C12orf43: variants seen among roughly 807,000 people sequenced by gnomAD.
C12orf43 encodes chromosome 12 open reading frame 43.
A neutral mutation model predicts 20.6 loss-of-function variants in C12orf43; 15 were observed. The observed-to-expected ratio is 0.73, with a 90% confidence interval of 0.49 to 1.12. The LOEUF (loss-of-function observed/expected upper bound fraction) is 1.12, where lower values mean the gene tolerates loss of function less well. Ranked by LOEUF, C12orf43 falls within the 50% of genes most tolerant of loss-of-function variation. The probability of loss-of-function intolerance (pLI) is 0.00; values close to 1 mark genes in which losing one functional copy is unlikely to be tolerated. For missense variants in C12orf43, 334 were observed against 344.4 expected, an observed-to-expected ratio of 0.97 and a Z score of 0.24; for synonymous variants, 144 against 130.8, an observed-to-expected ratio of 1.10 and a Z score of -0.69.
rs193922591 is a variant in C12orf43 at position 121,001,150 on chromosome 12, C to T, written c.*3003G>A. On this transcript the variant is annotated 3_prime_UTR_variant, in exon 6 of 6. Coordinates refer to ENST00000288757, the MANE Select transcript of C12orf43 (RefSeq NM_022895.3). ...TGCTGCCATCCAACCACAGCGTCAT[C>T]GAGACCTTCATCTCCACCCAGATGG... 21 of 1,614,110 alleles carry T rather than the reference C, an allele frequency of 1.3e-5. No individual in the cohort carries two copies. Among genetic ancestry groups the T allele is most frequent in the African/African-American group, 8.0e-5 (6 of 75,068 alleles).
chr12:121,014,257 G>C (rs1367261580), intron 1 of C12orf43, among the ~76,000 whole-genome samples: 1 of 150,786 alleles, frequency 6.6e-6, no homozygotes, highest in Non-Finnish European at 1.5e-5. Context: ...GCTTGAGCTT[G>C]GGAGGCGGAG....
intron 1 of C12orf43, among the ~76,000 whole-genome samples, chr12:121,014,630 C>CA (rs35811695): frequency 0.8 from 79,021 of 99,104 alleles, 30,791 homozygotes; most frequent in Middle Eastern, 0.91. Flanking sequence ...AACTCCATCT[C>CA]AAAAAAAAAA....
chr12:121,006,406 C>T lies in C12orf43; in HGVS notation c.288-12G>A, dbSNP rs370717445. Reference sequence around the variant, plus strand: ...AGATGGTAATGAAGCTACAGGGAGACGAGACGGTTGATTTAAGATGAGATT... The same window carrying T: ...AGATGGTAATGAAGCTACAGGGAGATGAGACGGTTGATTTAAGATGAGATT... On this transcript the variant is annotated splice_polypyrimidine_tract_variant and intron_variant, in intron 3 of 5. Coordinates refer to ENST00000288757, the MANE Select transcript of C12orf43 (RefSeq NM_022895.3). The T allele has an allele frequency of 6.8e-6, 11 of 1,612,532 alleles. No individual in the cohort carries two copies. The highest frequency in any genetic ancestry group is 2.2e-5 in the South Asian group (2 of 90,978).
chr12:121,016,487 C>G lies in C12orf43; in HGVS notation c.-13G>C, dbSNP rs775045883. 2.2e-5 allele frequency: 36 copies of G among 1,613,750 alleles called. No individual in the cohort carries two copies. The highest frequency in any genetic ancestry group is 4.2e-6 in the Non-Finnish European group (5 of 1,179,948). ...TGGGCGCCGCCATCTTGAACCACCG[C>G]AAAGGATTGTGGAGAACACCGCCGT... On this transcript the variant is annotated 5_prime_UTR_variant, in exon 1 of 6. Coordinates refer to ENST00000288757, the MANE Select transcript of C12orf43 (RefSeq NM_022895.3).
rs371683540 is a variant in C12orf43, at chr12:121,001,289, C to A, written c.*2864G>T. 2 of 1,461,146 alleles carry A rather than the reference C, an allele frequency of 1.4e-6. No individual in the cohort carries two copies. Among genetic ancestry groups the A allele is most frequent in the South Asian group, 1.2e-5 (1 of 83,818 alleles). 90.5% of individuals were successfully genotyped at this position (1,461,146 alleles called of 1,614,324 possible). On this transcript the variant is annotated 3_prime_UTR_variant, in exon 6 of 6. Coordinates refer to ENST00000288757, the MANE Select transcript of C12orf43 (RefSeq NM_022895.3). ...GGAGGACCTGAGCCTGCCGAGCAACCGTGGCCCTTCCTGGACAGCTGTGCC... is the reference window on the plus strand; with the variant it reads ...GGAGGACCTGAGCCTGCCGAGCAACAGTGGCCCTTCCTGGACAGCTGTGCC...
rs374452104 is a variant in C12orf43, at chr12:121,004,524, A to C, written c.453-35T>G. On this transcript the variant is annotated intron_variant, in intron 5 of 5. Transcript: ENST00000288757. This position sits in a 1 kb window ranked among gnomAD's most constrained non-coding sequence, Gnocchi z 5.6. ...CGAGAGGGTACCCTGGGTTAGCTGG[A>C]GTCAGGACACAGCCCCAGAGCTGCC... The C allele has an allele frequency of 5.4e-5, 83 of 1,550,106 alleles. No individual in the cohort carries two copies. In the African/African-American group the frequency reaches 9.1e-4, roughly 17 times the overall value.
chr12:121,011,262 C>T (rs1348590308), intron 1 of C12orf43, 116 bp from the exon 2 acceptor site: 8 of 709,768 alleles, frequency 1.1e-5, no homozygotes, highest in African/African-American at 9.1e-5. Context: ...TATATACATA[C>T]ACATGTAACT....
Position 121,005,109 on chromosome 12 carries a change from G to T in C12orf43, c.362-16C>A. Reference sequence around the variant, plus strand: ...AGGCGGAAACCTAAGATTCAATGGGGCAGAGTCAAACAAAAACAAAACAAA... The same window carrying T: ...AGGCGGAAACCTAAGATTCAATGGGTCAGAGTCAAACAAAAACAAAACAAA... On this transcript the variant is annotated splice_polypyrimidine_tract_variant and intron_variant, in intron 4 of 5. Coordinates refer to ENST00000288757, the MANE Select transcript of C12orf43 (RefSeq NM_022895.3). This position sits in a 1 kb window ranked among gnomAD's most constrained non-coding sequence, Gnocchi z 5.6. 8.2e-7 allele frequency: 1 copy of T among 1,224,734 alleles called. No individual in the cohort carries two copies. The allele number at this position is 1,224,734 out of a possible 1,614,324, so 75.9% of individuals were successfully genotyped here.
chr12:121,011,216 A>G (rs757015090), intron 1 of C12orf43, 70 bp from the exon 2 acceptor site: 25 of 1,363,652 alleles, frequency 1.8e-5, no homozygotes, highest in Non-Finnish European at 2.5e-5. Context: ...CGTGCCAGGC[A>G]CTATTTTCAG....
In C12orf43 at chr12:121,016,436, A is replaced by G. The variant is rs914750339; in HGVS notation, c.39T>C (p.Ser13=). 6 of 1,613,998 alleles carry G rather than the reference A, an allele frequency of 3.7e-6. No individual in the cohort carries two copies. The highest frequency in any genetic ancestry group is 1.1e-5 in the South Asian group (1 of 91,078). Residue 13 remains serine (S), a synonymous_variant, in exon 1 of 6, where the codon AGT becomes AGC. Transcript: ENST00000288757. ...APSGTVSDSE[S]SNSSSDAEEL... is the part of the protein sequence containing the mutation. ...CCTCCGCATCGCTACTGCTGTTACT[A>G]CTTTCCGAATCGCTCACTGTGCCAC... is the stretch of plus-strand genomic sequence containing the variant.
At chr12:121,011,542 T>C (rs1249337875) in intron 1 of C12orf43, among the ~76,000 whole-genome samples, 2 of 151,710 alleles carry the variant, frequency 1.3e-5, no homozygotes, top group East Asian at 3.8e-4. Context: ...ATAACACATA[T>C]AACTCAGTGA....
rs1342476910 is a variant in C12orf43, at chr12:121,016,324, C to T, written c.145+6G>A. On this transcript the variant is annotated splice_donor_region_variant and intron_variant, in intron 1 of 5. Transcript: ENST00000288757. ...TCAGCCAGTCTCCCCAAACATAGTA[C>T]CCTACCGGCTCTTGGCTTCCCTGCC... is the stretch of plus-strand genomic sequence containing the variant. 1 of 1,613,584 alleles carries T rather than the reference C, an allele frequency of 6.2e-7. No individual in the cohort carries two copies. Among genetic ancestry groups the T allele is most frequent in the East Asian group, 2.2e-5 (1 of 44,888 alleles).
intron 3 of C12orf43, among the ~76,000 whole-genome samples, chr12:121,009,671 TG>T (rs1489669624): frequency 6.6e-6 from 1 of 152,374 alleles, no homozygotes; most frequent in East Asian, 1.9e-4. Context: ...CTGAATCTGC[TG>T]GTGCCTTGAT....
rs758677300 is a variant in C12orf43 at position 121,002,097 on chromosome 12, G to C, written c.*2056C>G. The C allele has an allele frequency of 1.9e-6, 1 of 534,698 alleles. No individual in the cohort carries two copies. The highest frequency in any genetic ancestry group is 1.5e-5 in the South Asian group (1 of 64,998). 33.1% of individuals were successfully genotyped at this position (534,698 alleles called of 1,614,324 possible). A position where few individuals can be genotyped will look rare whatever the true frequency, so the allele number is the denominator to read the frequency against. On this transcript the variant is annotated 3_prime_UTR_variant, in exon 6 of 6. Coordinates refer to ENST00000288757, the MANE Select transcript of C12orf43 (RefSeq NM_022895.3). ...CCTGCCCTTGTTTGGGGCAGGAGTA[G>C]CTGAGCTCACAAGGCAGCAAGGCCC...
Position 121,001,712 on chromosome 12 carries a change from C to G in C12orf43, c.*2441G>C. ...CCAACTCCTTCCAGCTAGTGACCCA[C>G]ATGCCATTTGTACTGACCCCATCAC... On this transcript the variant is annotated 3_prime_UTR_variant, in exon 6 of 6. Coordinates refer to ENST00000288757, the MANE Select transcript of C12orf43 (RefSeq NM_022895.3). 2 of 498,238 alleles carry G rather than the reference C, an allele frequency of 4.0e-6. No individual in the cohort carries two copies. Among genetic ancestry groups the G allele is most frequent in the Non-Finnish European group, 7.8e-6 (2 of 256,838 alleles). 30.9% of individuals were successfully genotyped at this position (498,238 alleles called of 1,614,324 possible). A position where few individuals can be genotyped will look rare whatever the true frequency, so the allele number is the denominator to read the frequency against.
chr12:121,016,299 T>G (rs1868909822), intron 1 of C12orf43, 31 bp downstream of exon 1: 4 of 1,612,564 alleles, frequency 2.5e-6, no homozygotes, highest in Non-Finnish European at 3.4e-6. Context: ...CCCACGCCCC[T>G]CAGCCAGTCT....
In C12orf43 at chr12:121,014,521, T is replaced by C. The variant is rs192719567; in HGVS notation, c.145+1809A>G. 2.2e-3 allele frequency among the ~76,000 whole-genome samples: 336 copies of C among 149,940 alleles called. 2 individuals are homozygous for C. Among genetic ancestry groups the C allele is most frequent in the Middle Eastern group, 0.018 (5 of 284 alleles). On this transcript the variant is annotated intron_variant, in intron 1 of 5. Transcript: ENST00000288757. ...GGCAGGCGCCTGTAATCCCAGCTAC[T>C]AGGGAGGCTGAGGCAGGAGAATCAC...
rs1238162646 is a variant in C12orf43 at position 121,002,485 on chromosome 12, G to A, written c.*1668C>T. The A allele has an allele frequency of 1.7e-5, 9 of 517,016 alleles. No homozygotes were observed. Among genetic ancestry groups the A allele is most frequent in the Non-Finnish European group, 3.4e-5 (9 of 264,344 alleles). The allele number at this position is 517,016 out of a possible 1,614,324, so 32.0% of individuals were successfully genotyped here. A position where few individuals can be genotyped will look rare whatever the true frequency, so the allele number is the denominator to read the frequency against. On this transcript the variant is annotated 3_prime_UTR_variant, in exon 6 of 6. Transcript: ENST00000288757. ...GAGTGGCACGTTTATTTAACTTTTA[G>A]TAAAGTCAAGGAGAAATGCGGTGGA...
intron 1 of C12orf43, among the ~76,000 whole-genome samples, chr12:121,015,058 A>T (rs574167739): frequency 6.8e-4 from 104 of 152,182 alleles, no homozygotes; most frequent in Non-Finnish European, 1.4e-3. Context: ...GGCCTTTAAG[A>T]TGTGCCAAGC....
Sources: gnomAD v4.1 joint callset for allele counts (sites outside exome capture counted in the v4.1 genomes callset) on GRCh38, gnomAD v4.1.1 for gene constraint, Gnocchi (gnomAD v3.1) non-coding constraint, MANE v1.5 for transcripts, NCBI Gene and HGNC (gene_info 2026-07-23, HGNC 2026-07-21) for gene names.